Variants in FRYL observed in about 807,000 individuals in gnomAD.
FRYL encodes the protein protein furry homolog-like.
A neutral mutation model predicts 351.2 loss-of-function variants in FRYL; 150 were observed. The ratio of observed to expected loss-of-function variants is 0.43; its 90% CI spans 0.37 to 0.49. The LOEUF (loss-of-function observed/expected upper bound fraction) is 0.49, where lower values mean the gene tolerates loss of function less well. Among genes scored for constraint, FRYL ranks in the 20% least tolerant of loss-of-function variants. FRYL has a pLI of 0.00. For missense variants in FRYL, 3,036 were observed against 3,619.3 expected, an observed-to-expected ratio of 0.84 and a Z score of 4.13; for synonymous variants, 1,153 against 1,257.1, an observed-to-expected ratio of 0.92 and a Z score of 1.75.
chr4:48,668,443 T>C (rs553976756), intron 3 of FRYL, among the ~76,000 whole-genome samples: 7 of 151,380 alleles, frequency 4.6e-5, no homozygotes, highest in East Asian at 1.9e-4. Context: ...TAGGGAACCA[T>C]TGCCTACTGA....
chr4:48,736,841 CTCTG>C (rs1254742235), intron 1 of FRYL, among the ~76,000 whole-genome samples: 1 of 110,810 alleles, frequency 9.0e-6, no homozygotes, highest in African/African-American at 3.4e-5. Flanking sequence ...CAGACTGAGA[CTCTG>C]TCTCGAAAAA....
chr4:48,745,442 T>C (rs1578903834), intron 1 of FRYL, among the ~76,000 whole-genome samples: 2 of 152,210 alleles, frequency 1.3e-5, no homozygotes, highest in East Asian at 1.9e-4. Context: ...GATGAGTTCA[T>C]GTCCTTTGTA....
At chr4:48,579,720 A>C (rs1484961461) in intron 22 of FRYL, among the ~76,000 whole-genome samples, 1 of 152,184 alleles carries the variant, frequency 6.6e-6, no homozygotes, top group South Asian at 2.1e-4. Flanking sequence ...TGTTCAAAGA[A>C]AAGTATATTA....
intron 1 of FRYL, among the ~76,000 whole-genome samples, chr4:48,763,897 T>C (rs981667970): frequency 6.6e-6 from 1 of 152,096 alleles, no homozygotes; most frequent in African/African-American, 2.4e-5. Flanking sequence ...GGTTGGACTT[T>C]GTGGCTCACA....
At chr4:48,520,942 T>C in intron 55 of FRYL, 106 bp downstream of exon 55, 1 of 718,806 alleles carries the variant, frequency 1.4e-6, no homozygotes, top group Non-Finnish European at 2.2e-6. Context: ...TTAGAAATAC[T>C]GGAAACAAAT....
At chr4:48,518,311 A>G (rs1351374751) in intron 55 of FRYL, among the ~76,000 whole-genome samples, 1 of 152,084 alleles carries the variant, frequency 6.6e-6, no homozygotes, top group Non-Finnish European at 1.5e-5. Context: ...AACATTTCTC[A>G]TGTTTGTGCC....
chr4:48,721,267 A>T (rs1769438075), intron 1 of FRYL, among the ~76,000 whole-genome samples: 1 of 152,104 alleles, frequency 6.6e-6, no homozygotes, highest in African/African-American at 2.4e-5. Context: ...AGAATCAGAG[A>T]GGTAGAGAGT....
At chr4:48,520,175 T>C (rs957206622) in intron 55 of FRYL, among the ~76,000 whole-genome samples, 2 of 152,212 alleles carry the variant, frequency 1.3e-5, no homozygotes, top group Non-Finnish European at 2.9e-5. Context: ...TAAATATTTG[T>C]TGAATTGAAT....
chr4:48,527,411 T>A lies in FRYL; in HGVS notation c.7317+66A>T. 2.3e-6 allele frequency: 3 copies of A among 1,323,662 alleles called. No individual in the cohort carries two copies. In the South Asian group the frequency reaches 4.4e-5, roughly 20 times the overall value. The allele number at this position is 1,323,662 out of a possible 1,614,324, so 82.0% of individuals were successfully genotyped here. A position where few individuals can be genotyped will look rare whatever the true frequency, so the allele number is the denominator to read the frequency against. ...CTGACCTCAATAAGGAATGATCCTG[T>A]GATCAAATCCTTAATTCTCATACAA... On this transcript the variant is annotated intron_variant, in intron 53 of 63. Transcript: ENST00000358350.
intron 34 of FRYL, 79 bp from the exon 35 acceptor site, chr4:48,557,197 T>A (rs1734311092): frequency 6.7e-7 from 1 of 1,491,332 alleles, no homozygotes; most frequent in Non-Finnish European, 9.1e-7. Context: ...CATGAAATAT[T>A]AAAAAATGTT....
intron 27 of FRYL, among the ~76,000 whole-genome samples, chr4:48,569,462 G>A (rs1205131816): frequency 2.6e-5 from 4 of 152,040 alleles, no homozygotes; most frequent in East Asian, 1.9e-4. Context: ...ACGCATCACC[G>A]TGCCCAGCTA....
intron 58 of FRYL, 70 bp from the exon 59 acceptor site, chr4:48,510,227 G>T: frequency 8.9e-7 from 1 of 1,126,518 alleles, no homozygotes; most frequent in Non-Finnish European, 1.4e-6. Context: ...AAAATCATGA[G>T]ACTTTTCAGT....
intron 7 of FRYL, among the ~76,000 whole-genome samples, chr4:48,613,000 A>G (rs991192260): frequency 6.6e-6 from 1 of 152,220 alleles, no homozygotes; most frequent in African/African-American, 2.4e-5. Flanking sequence ...ATACAGGCTT[A>G]GTATCCCCTA....
chr4:48,660,100 T>C (rs1044287313), intron 3 of FRYL, among the ~76,000 whole-genome samples: 4 of 151,184 alleles, frequency 2.6e-5, no homozygotes, highest in African/African-American at 4.9e-5. Context: ...GTAGAGAAGG[T>C]AGAGAAAGAC....
At chr4:48,563,099 C>A (rs1447345957) in intron 31 of FRYL, 111 bp from the exon 32 acceptor site, 3 of 638,618 alleles carry the variant, frequency 4.7e-6, no homozygotes, top group Non-Finnish European at 8.2e-6. Flanking sequence ...TCTTCTAAGC[C>A]TATGAGGAGA....
chr4:48,723,245 C>T (rs763786210), intron 1 of FRYL, among the ~76,000 whole-genome samples: 1 of 152,054 alleles, frequency 6.6e-6, no homozygotes, highest in Non-Finnish European at 1.5e-5. Flanking sequence ...TGGGCTCAAG[C>T]GATCCTCCCA....
chr4:48,662,707 A>G lies in FRYL; in HGVS notation c.-81+21966T>C, dbSNP rs570943212. On this transcript the variant is annotated intron_variant, in intron 3 of 63. Transcript: ENST00000358350. ...TTGGGAGGCCAAGGTGGGCAGATCA[A>G]TTGAGCCCAGGAGTTTGAGACCAGC... Among the ~76,000 whole-genome samples, 23 of 151,272 alleles carry G rather than the reference A, an allele frequency of 1.5e-4. No homozygotes were observed. In the South Asian group the frequency reaches 2.3e-3, roughly 15 times the overall value.
At chr4:48,667,005 T>C (rs771225085) in intron 3 of FRYL, among the ~76,000 whole-genome samples, 1 of 152,244 alleles carries the variant, frequency 6.6e-6, no homozygotes, top group Non-Finnish European at 1.5e-5. Context: ...TGATGGCATG[T>C]TTGCTTTGCT....
At chr4:48,779,272 C>T (rs1413051741) in intron 1 of FRYL, among the ~76,000 whole-genome samples, 9 of 152,348 alleles carry the variant, frequency 5.9e-5, no homozygotes, top group African/African-American at 1.9e-4. Context: ...GCCCAGGCAC[C>T]CTGCCCGGTG....
Sources: allele counts gnomAD v4.1 joint callset (sites outside exome capture counted in the v4.1 genomes callset), GRCh38; gene constraint gnomAD v4.1.1; transcripts MANE v1.5; gene names NCBI Gene and HGNC (gene_info 2026-07-23, HGNC 2026-07-21).